The following PDE6C variants were observed in gnomAD, a reference collection of about 807,000 sequenced individuals.
PDE6C encodes the protein cone cGMP-specific 3',5'-cyclic phosphodiesterase subunit alpha'.
In PDE6C, 75 loss-of-function variants were observed where a neutral mutation model predicts 113.1. The ratio of observed to expected loss-of-function variants is 0.66; its 90% CI spans 0.55 to 0.80. The LOEUF (loss-of-function observed/expected upper bound fraction) is 0.80, where lower values mean the gene tolerates loss of function less well. Ranked by LOEUF, PDE6C falls within the 30% of genes least tolerant of loss-of-function variation. The probability of loss-of-function intolerance (pLI) is 0.00; values close to 1 mark genes in which losing one functional copy is unlikely to be tolerated. For synonymous variants in PDE6C, 375 were observed against 363.7 expected (o/e 1.03, Z -0.35); for missense variants, 912 against 1,038.6 (o/e 0.88, Z 1.67).
chr10:93,640,344 TA>T, intron 12 of PDE6C, 105 bp from the exon 13 acceptor site: 1 of 1,245,794 alleles, frequency 8.0e-7, no homozygotes, highest in Non-Finnish European at 1.2e-6. Flanking sequence ...TACATCAGCT[TA>T]ACCCCTATCT....
At chr10:93,641,214 A>G (rs2058558334) in intron 14 of PDE6C, among the ~76,000 whole-genome samples, 185 bp downstream of exon 14, 1 of 152,068 alleles carries the variant, frequency 6.6e-6, no homozygotes, top group African/African-American at 2.4e-5. Flanking sequence ...CTTTCTCCCT[A>G]GGTTCTTGCG....
intron 4 of PDE6C, among the ~76,000 whole-genome samples, chr10:93,623,659 A>T (rs1406003140): frequency 2.0e-5 from 3 of 152,154 alleles, no homozygotes; most frequent in Admixed American, 2.0e-4. Context: ...CTGTTTCTAG[A>T]TTCACTTTTT....
chr10:93,652,618 C>CA (rs2058614298), intron 15 of PDE6C, among the ~76,000 whole-genome samples: 1 of 152,120 alleles, frequency 6.6e-6, no homozygotes, highest in Non-Finnish European at 1.5e-5. Context: ...GATAATCTAT[C>CA]AACTTTAATA....
intron 4 of PDE6C, among the ~76,000 whole-genome samples, chr10:93,623,486 T>G (rs1248487903): frequency 6.6e-6 from 1 of 152,216 alleles, no homozygotes; most frequent in Non-Finnish European, 1.5e-5. Context: ...TTTTCTATAT[T>G]TTTTCTTTCA....
At chr10:93,639,605 C>T (rs985711621) in intron 11 of PDE6C, among the ~76,000 whole-genome samples, 4 of 152,182 alleles carry the variant, frequency 2.6e-5, no homozygotes, top group African/African-American at 9.7e-5. Flanking sequence ...ATGATCCCCA[C>T]CCTCGGGGAG....
chr10:93,665,066 A>C (rs895484581), intron 21 of PDE6C, among the ~76,000 whole-genome samples: 11 of 152,024 alleles, frequency 7.2e-5, no homozygotes, highest in Admixed American at 5.9e-4. Context: ...ACAGGGTTTC[A>C]CCATATTGAC....
chr10:93,635,713 CA>C, intron 10 of PDE6C, 73 bp downstream of exon 10: 1 of 1,490,736 alleles, frequency 6.7e-7, no homozygotes, highest in South Asian at 1.1e-5. Flanking sequence ...TCTAATTACC[CA>C]GGGGTCTGAC....
chr10:93,662,356 G>A (rs142985429), intron 19 of PDE6C, among the ~76,000 whole-genome samples: 2,703 of 151,486 alleles, frequency 0.018, 32 homozygotes, highest in Middle Eastern at 0.058. Flanking sequence ...CCAGCCACTC[G>A]GGAGGCTGAG....
intron 4 of PDE6C, among the ~76,000 whole-genome samples, chr10:93,622,613 C>T (rs1455296844): frequency 1.3e-5 from 2 of 149,290 alleles, no homozygotes. Context: ...CTTTCCTCAC[C>T]CCTTCCAAAC....
At chr10:93,616,814 C>G (rs921883484) in intron 1 of PDE6C, among the ~76,000 whole-genome samples, 1 of 152,112 alleles carries the variant, frequency 6.6e-6, no homozygotes, top group African/African-American at 2.4e-5. Context: ...CCACCATGCC[C>G]AGCTAATTTT....
chr10:93,620,921 A>G lies in PDE6C; in HGVS notation c.664A>G (p.Ile222Val), dbSNP rs1336988861. Residue 222 changes from isoleucine (I) to valine (V), a missense_variant, in exon 3 of 22, where the codon ATC (isoleucine) becomes GTC (valine). Coordinates refer to ENST00000371447, the MANE Select transcript of PDE6C (RefSeq NM_006204.4). ...TTCCAAATACCTCAACTTTGTGTCT[A>G]TCATCCTAAGGCTTCATCACACCAG... Reference protein sequence around the residue: ...VFSKYLNFVSIILRLHHTSYM... With the variant: ...VFSKYLNFVSVILRLHHTSYM... 5.6e-6 allele frequency: 9 copies of G among 1,613,974 alleles called. No homozygotes were observed. The highest frequency in any genetic ancestry group is 1.7e-5 in the Admixed American group (1 of 59,980).
chr10:93,637,865 T>TA (rs1487418451), intron 11 of PDE6C, among the ~76,000 whole-genome samples: 1 of 152,214 alleles, frequency 6.6e-6, no homozygotes, highest in Non-Finnish European at 1.5e-5. Flanking sequence ...GCTTTTAAAA[T>TA]AAAAAATCAG....
intron 7 of PDE6C, among the ~76,000 whole-genome samples, chr10:93,627,258 CAAAAA>C (rs57142181): frequency 3.8e-5 from 2 of 52,580 alleles, no homozygotes; most frequent in African/African-American, 1.3e-4. Flanking sequence ...TGAAACTCCA[CAAAAA>C]AAAAAAAAAA....
chr10:93,633,465 C>CAAA (rs111369291), intron 8 of PDE6C, among the ~76,000 whole-genome samples: 23 of 87,280 alleles, frequency 2.6e-4, no homozygotes, highest in South Asian at 4.7e-4. Context: ...GACCCTGTCT[C>CAAA]AAAAAAAAAA....
rs372506563 is a variant in PDE6C, at chr10:93,620,704, G to A, written c.553G>A (p.Val185Met). The part of the protein sequence containing the change: ...VTKNLLATPI[V>M]VGKEVLAVIM... ...TAAGAACCTGCTGGCAACCCCGATC[G>A]TGGTGGGCAAGGAGGTTCTTGCTGT... Residue 185 changes from valine to methionine, a missense_variant, in exon 2 of 22, where the codon GTG (valine) becomes ATG (methionine). By Grantham distance (21) the Val-to-Met change is conservative. Transcript: ENST00000371447. 6.2e-5 allele frequency: 100 copies of A among 1,614,136 alleles called. No homozygotes were observed. Among genetic ancestry groups the A allele is most frequent in the South Asian group, 5.8e-4 (53 of 91,090 alleles).
rs946955166 is a variant in PDE6C at position 93,612,610 on chromosome 10, C to G, written c.-116C>G. 2 of 1,413,134 alleles carry G rather than the reference C, an allele frequency of 1.4e-6. No individual in the cohort carries two copies. The highest frequency in any genetic ancestry group is 3.4e-5 in the Admixed American group (2 of 59,590). The allele number at this position is 1,413,134 out of a possible 1,614,324, so 87.5% of individuals were successfully genotyped here. ...GACCTTTGGAAGTCCTATGAGGGACCATTTACGGTTTCCTCAGTAATTTCC... is the reference window on the plus strand; with the variant it reads ...GACCTTTGGAAGTCCTATGAGGGACGATTTACGGTTTCCTCAGTAATTTCC... On this transcript the variant is annotated 5_prime_UTR_variant, in exon 1 of 22. Transcript: ENST00000371447.
intron 8 of PDE6C, among the ~76,000 whole-genome samples, chr10:93,631,929 T>C (rs937266272): frequency 6.6e-6 from 1 of 152,232 alleles, no homozygotes; most frequent in Non-Finnish European, 1.5e-5. Context: ...ATGTATTATC[T>C]CACAGTTCTG....
intron 1 of PDE6C, 43 bp from the exon 2 acceptor site, chr10:93,620,589 T>A (rs2058440593): frequency 1.2e-6 from 2 of 1,605,164 alleles, no homozygotes; most frequent in African/African-American, 1.3e-5. Context: ...TACCACTCTA[T>A]GATTTTGTGC....
At chr10:93,618,162 G>A (rs147850166) in intron 1 of PDE6C, among the ~76,000 whole-genome samples, 107 of 152,244 alleles carry the variant, frequency 7.0e-4, no homozygotes, top group African/African-American at 2.6e-3. Flanking sequence ...ATTTGAATTG[G>A]CTAGAAAAAT....
Sources: allele counts gnomAD v4.1 joint callset (sites outside exome capture counted in the v4.1 genomes callset), GRCh38; gene constraint gnomAD v4.1.1; transcripts MANE v1.5; gene names NCBI Gene and HGNC (gene_info 2026-07-23, HGNC 2026-07-21).